The following ATP2B4 variants were observed in gnomAD, a reference collection of about 807,000 sequenced individuals.
ATP2B4 encodes plasma membrane calcium-transporting ATPase 4.
In ATP2B4, 39 loss-of-function variants were observed where a neutral mutation model predicts 110.3. The observed-to-expected ratio is 0.35, with a 90% confidence interval of 0.27 to 0.46. The LOEUF (loss-of-function observed/expected upper bound fraction) is 0.46, where lower values mean the gene tolerates loss of function less well. Among genes scored for constraint, ATP2B4 ranks in the 20% least tolerant of loss-of-function variants. ATP2B4 has a pLI of 1.00. For synonymous variants in ATP2B4, 538 were observed against 571.7 expected (o/e 0.94, Z 0.84); for missense variants, 1,135 against 1,530.9 (o/e 0.74, Z 4.32).
At chr1:203,738,854 G>T (rs1666935677) in intron 20 of ATP2B4, among the ~76,000 whole-genome samples, 1 of 152,206 alleles carries the variant, frequency 6.6e-6, no homozygotes, top group Admixed American at 6.5e-5. Flanking sequence ...TATTTGCGGG[G>T]AGGGGACACA....
intron 19 of ATP2B4, among the ~76,000 whole-genome samples, chr1:203,725,044 A>AT (rs1341478189): frequency 5.4e-5 from 8 of 147,384 alleles, no homozygotes; most frequent in East Asian, 2.0e-4. Flanking sequence ...CACCTGGCTA[A>AT]TTTTTGTATT....
At chr1:203,628,284 C>T (rs2102287139) in intron 1 of ATP2B4, among the ~76,000 whole-genome samples, 1 of 151,822 alleles carries the variant, frequency 6.6e-6, no homozygotes, top group Non-Finnish European at 1.5e-5. Flanking sequence ...CGAGTCTGGC[C>T]TCTTACACTC....
At chr1:203,702,020 C>CT (rs1304349065) in intron 6 of ATP2B4, 24 bp from the exon 7 acceptor site, 8 of 1,613,814 alleles carry the variant, frequency 5.0e-6, no homozygotes, top group Non-Finnish European at 6.8e-6. Context: ...TTCGACCCCA[C>CT]TTTTTTCTTT....
At position 203,728,884 on chromosome 1, in the gene ATP2B4, G is replaced by A. The variant is rs115109240; in HGVS notation, c.3309+1313G>A. ...CAAAAAAAAAAAGACTGGGCGCGGTGGTTCTCACCTGTAATCCAGCACTTT... is the reference window on the plus strand; with the variant it reads ...CAAAAAAAAAAAGACTGGGCGCGGTAGTTCTCACCTGTAATCCAGCACTTT... On this transcript the variant is annotated intron_variant, in intron 20 of 20. Coordinates refer to ENST00000357681, the MANE Select transcript of ATP2B4 (RefSeq NM_001684.5). 6.6e-3 allele frequency among the ~76,000 whole-genome samples: 995 copies of A among 150,982 alleles called. 13 individuals carry two copies. The highest frequency in any genetic ancestry group is 0.023 in the African/African-American group (953 of 41,040).
At chr1:203,668,478 T>C (rs6670594) in intron 1 of ATP2B4, among the ~76,000 whole-genome samples, 109,782 of 152,068 alleles carry the variant, frequency 0.72, 43,221 homozygotes, top group Non-Finnish European at 0.88. Flanking sequence ...AATATTCTCC[T>C]ATCCCTCCCC....
chr1:203,737,413 G>A (rs756732509), intron 20 of ATP2B4, among the ~76,000 whole-genome samples: 1 of 152,228 alleles, frequency 6.6e-6, no homozygotes, highest in Non-Finnish European at 1.5e-5. Flanking sequence ...ACTCCTGACA[G>A]TGATGGCTTT....
intron 18 of ATP2B4, among the ~76,000 whole-genome samples, chr1:203,723,457 T>TCTCTCCCTCC (rs1407579331): frequency 0.046 from 5,248 of 113,248 alleles, 427 homozygotes; most frequent in South Asian, 0.071. Context: ...TCTCTCTCTC[T>TCTCTCCCTCC]CTCCCTCTGC....
At chr1:203,670,401 A>G (rs887343827) in intron 1 of ATP2B4, among the ~76,000 whole-genome samples, 2 of 151,760 alleles carry the variant, frequency 1.3e-5, no homozygotes, top group Non-Finnish European at 2.9e-5. Context: ...CTGGTCTCTA[A>G]CTCCTGACCT....
intron 5 of ATP2B4, 114 bp downstream of exon 5, chr1:203,700,445 G>A: frequency 1.4e-6 from 2 of 1,395,036 alleles, no homozygotes; most frequent in South Asian, 1.4e-5. Flanking sequence ...CTGGGGTTCA[G>A]CTGGGGCAAC....
intron 14 of ATP2B4, 23 bp from the exon 15 acceptor site, chr1:203,714,148 T>G: frequency 6.2e-7 from 1 of 1,610,032 alleles, no homozygotes; most frequent in Non-Finnish European, 8.5e-7. Flanking sequence ...AAAAGCTCAC[T>G]GTGGTGTGTC....
chr1:203,652,806 C>T (rs1340956277), intron 1 of ATP2B4, among the ~76,000 whole-genome samples: 3 of 152,204 alleles, frequency 2.0e-5, no homozygotes, highest in African/African-American at 7.2e-5. Context: ...GTTCTGACTG[C>T]CTCACTGACG....
At chr1:203,638,713 G>A (rs912186053) in intron 1 of ATP2B4, among the ~76,000 whole-genome samples, 5 of 152,116 alleles carry the variant, frequency 3.3e-5, no homozygotes, top group African/African-American at 9.7e-5. Flanking sequence ...AACTTCCCTG[G>A]TTCCCAATGT....
intron 2 of ATP2B4, among the ~76,000 whole-genome samples, chr1:203,687,443 G>T (rs1665231393): frequency 6.6e-6 from 1 of 152,160 alleles, no homozygotes; most frequent in South Asian, 2.1e-4. Flanking sequence ...GCCTGTTCAT[G>T]GAAGGCCACA....
intron 20 of ATP2B4, chr1:203,729,671 TA>T (rs771531385): frequency 1.6e-6 from 2 of 1,258,492 alleles, no homozygotes; most frequent in Admixed American, 1.9e-5. Flanking sequence ...CTGCCTCACC[TA>T]TCCAGGGCGA....
intron 1 of ATP2B4, among the ~76,000 whole-genome samples, chr1:203,667,531 C>A (rs900007280): frequency 6.6e-6 from 1 of 152,186 alleles, no homozygotes; most frequent in Non-Finnish European, 1.5e-5. Flanking sequence ...GCTATCTTTT[C>A]GCTTACACCA....
intron 1 of ATP2B4, among the ~76,000 whole-genome samples, chr1:203,649,894 C>T (rs1663924870): frequency 6.6e-6 from 1 of 152,212 alleles, no homozygotes; most frequent in Admixed American, 6.5e-5. Flanking sequence ...GTCACACTCG[C>T]CACTCTGGGG....
intron 20 of ATP2B4, among the ~76,000 whole-genome samples, chr1:203,735,082 A>T (rs1414535722): frequency 1.3e-5 from 2 of 152,020 alleles, no homozygotes; most frequent in Non-Finnish European, 2.9e-5. Context: ...CAAAAGAGTC[A>T]AAATAACATT....
In ATP2B4 at chr1:203,739,929, G is replaced by C; in HGVS notation, c.*75G>C. The C allele has an allele frequency of 6.8e-7, 1 of 1,472,280 alleles. No homozygotes were observed. Among genetic ancestry groups the C allele is most frequent in the South Asian group, 1.3e-5 (1 of 74,254 alleles). The allele number at this position is 1,472,280 out of a possible 1,614,324, so 91.2% of individuals were successfully genotyped here. A position where few individuals can be genotyped will look rare whatever the true frequency, so the allele number is the denominator to read the frequency against. ...CTATCCCATCTATGAGGTGATGATGGGACTTTTCATTGTCACGTCAGCTGC... is the reference window on the plus strand; with the variant it reads ...CTATCCCATCTATGAGGTGATGATGCGACTTTTCATTGTCACGTCAGCTGC... On this transcript the variant is annotated 3_prime_UTR_variant, in exon 21 of 21. Coordinates refer to ENST00000357681, the MANE Select transcript of ATP2B4 (RefSeq NM_001684.5).
At chr1:203,638,626 T>C (rs1168746739) in intron 1 of ATP2B4, among the ~76,000 whole-genome samples, 1 of 151,802 alleles carries the variant, frequency 6.6e-6, no homozygotes, top group East Asian at 1.9e-4. Context: ...GAGGTGGGGG[T>C]ACAGCCTAGT....
Sources: allele counts gnomAD v4.1 joint callset (sites outside exome capture counted in the v4.1 genomes callset), GRCh38; gene constraint gnomAD v4.1.1; transcripts MANE v1.5; gene names NCBI Gene and HGNC (gene_info 2026-07-23, HGNC 2026-07-21).